The following AGBL4 variants were observed in gnomAD, a reference collection of about 807,000 sequenced individuals.
The protein encoded by AGBL4 is cytosolic carboxypeptidase 6.
A neutral mutation model predicts 66.4 loss-of-function variants in AGBL4; 58 were observed. The ratio of observed to expected loss-of-function variants is 0.87; its 90% CI spans 0.71 to 1.09. The LOEUF (loss-of-function observed/expected upper bound fraction) is 1.09. Ranked by LOEUF, AGBL4 falls within the 50% of genes least tolerant of loss-of-function variation. The pLI, the probability that AGBL4 is intolerant of heterozygous loss-of-function variation, is 0.00. For missense variants in AGBL4, 579 were observed against 631.0 expected (o/e 0.92, Z 0.88); for synonymous variants, 234 against 222.9 (o/e 1.05, Z -0.44).
At chr1:48,569,234 T>C (rs1644522544) in intron 11 of AGBL4, among the ~76,000 whole-genome samples, 1 of 152,224 alleles carries the variant, frequency 6.6e-6, no homozygotes, top group African/African-American at 2.4e-5. Flanking sequence ...ATAGAATGTC[T>C]GATCAGGGAA....
At chr1:48,670,489 T>C (rs1410595915) in intron 6 of AGBL4, among the ~76,000 whole-genome samples, 1 of 152,116 alleles carries the variant, frequency 6.6e-6, no homozygotes, top group Non-Finnish European at 1.5e-5. Flanking sequence ...AGCTGAAAAG[T>C]GATGAGATAC....
chr1:48,810,588 G>A (rs1646026320), intron 6 of AGBL4, among the ~76,000 whole-genome samples: 1 of 152,196 alleles, frequency 6.6e-6, no homozygotes, highest in Non-Finnish European at 1.5e-5. Flanking sequence ...TATGCAAAGT[G>A]TATAGCATAG....
intron 8 of AGBL4, 93 bp from the exon 9 acceptor site, chr1:48,634,697 G>A: frequency 1.3e-6 from 1 of 779,312 alleles, no homozygotes; most frequent in Non-Finnish European, 2.0e-6. Flanking sequence ...CAGTGATTAT[G>A]TCACTTACCT....
chr1:48,904,445 A>G (rs1023906424), intron 5 of AGBL4, among the ~76,000 whole-genome samples: 1 of 152,210 alleles, frequency 6.6e-6, no homozygotes, highest in African/African-American at 2.4e-5. Context: ...AGCGAGTAGC[A>G]TGTCAAATGT....
At chr1:48,602,656 T>G (rs771297534) in intron 9 of AGBL4, among the ~76,000 whole-genome samples, 18 of 152,196 alleles carry the variant, frequency 1.2e-4, no homozygotes, top group Non-Finnish European at 2.6e-4. Context: ...GCTGAAATTA[T>G]GTACTTTATC....
intron 2 of AGBL4, among the ~76,000 whole-genome samples, chr1:49,730,391 G>C (rs1460219411): frequency 6.6e-6 from 1 of 152,284 alleles, no homozygotes; most frequent in African/African-American, 2.4e-5. Flanking sequence ...CAGACTATGG[G>C]AGTGAAGAGC....
intron 6 of AGBL4, among the ~76,000 whole-genome samples, chr1:48,832,314 C>T (rs1019984668): frequency 6.6e-6 from 1 of 152,184 alleles, no homozygotes; most frequent in Non-Finnish European, 1.5e-5. Flanking sequence ...AAATAAACAT[C>T]CTAATACTTT....
At chr1:49,822,201 A>G (rs1645387065) in intron 2 of AGBL4, among the ~76,000 whole-genome samples, 1 of 152,210 alleles carries the variant, frequency 6.6e-6, no homozygotes, top group African/African-American at 2.4e-5. Flanking sequence ...GACACCGAAT[A>G]TGTTTTTAAA....
intron 2 of AGBL4, among the ~76,000 whole-genome samples, chr1:49,698,615 C>T (rs1286006982): frequency 1.3e-5 from 2 of 152,056 alleles, no homozygotes; most frequent in Admixed American, 1.3e-4. Context: ...GACAATATAG[C>T]TGTCTACCTA....
chr1:48,534,829 C>A (rs2148251522), intron 13 of AGBL4, 61 bp downstream of exon 13: 1 of 1,495,804 alleles, frequency 6.7e-7, no homozygotes, highest in Non-Finnish European at 9.1e-7. Flanking sequence ...TGAGATACAG[C>A]CCTGGAGCAC....
chr1:49,264,044 G>T (rs968017151), intron 3 of AGBL4, among the ~76,000 whole-genome samples: 2 of 151,930 alleles, frequency 1.3e-5, no homozygotes, highest in Non-Finnish European at 2.9e-5. Flanking sequence ...CAAAACAGTA[G>T]TATATTTGTA....
At chr1:49,882,818 G>T (rs1014032979) in intron 1 of AGBL4, among the ~76,000 whole-genome samples, 6 of 152,092 alleles carry the variant, frequency 3.9e-5, no homozygotes, top group African/African-American at 1.2e-4. Context: ...TTGCATTTTA[G>T]AAATTTGTTG....
chr1:48,893,301 A>G (rs1022858253), intron 5 of AGBL4, among the ~76,000 whole-genome samples: 9 of 152,074 alleles, frequency 5.9e-5, no homozygotes, highest in African/African-American at 2.2e-4. Context: ...CCTACCCTGC[A>G]ATGTGACGGT....
chr1:48,539,867 G>A (rs1644036718), intron 11 of AGBL4, 129 bp from the exon 12 acceptor site: 7 of 535,792 alleles, frequency 1.3e-5, no homozygotes, highest in South Asian at 7.1e-5. Flanking sequence ...TTTTGTATGC[G>A]CTGTCTTTTT....
At chr1:49,500,081 C>T (rs1200059178) in intron 3 of AGBL4, among the ~76,000 whole-genome samples, 2 of 151,774 alleles carry the variant, frequency 1.3e-5, no homozygotes, top group Admixed American at 6.6e-5. Context: ...GCAGGAGTAA[C>T]TTGGTATTGC....
At chr1:49,914,363 C>T (rs1012494811) in intron 1 of AGBL4, among the ~76,000 whole-genome samples, 1 of 152,196 alleles carries the variant, frequency 6.6e-6, no homozygotes, top group African/African-American at 2.4e-5. Flanking sequence ...AACAATTCAA[C>T]CAAAGTCTTT....
intron 3 of AGBL4, among the ~76,000 whole-genome samples, chr1:49,518,962 G>C (rs975079973): frequency 6.6e-6 from 1 of 152,084 alleles, no homozygotes; most frequent in African/African-American, 2.4e-5. Flanking sequence ...TCAGATCTCT[G>C]GAGGGTTATA....
intron 3 of AGBL4, among the ~76,000 whole-genome samples, chr1:49,652,974 C>A (rs77888881): frequency 0.018 from 2,768 of 152,218 alleles, 34 homozygotes; most frequent in Non-Finnish European, 0.03. Flanking sequence ...AGCCAGACCC[C>A]TTATTTAAGT....
At chr1:49,882,729 C>T (rs1006332101) in intron 1 of AGBL4, among the ~76,000 whole-genome samples, 2 of 152,150 alleles carry the variant, frequency 1.3e-5, no homozygotes, top group Non-Finnish European at 2.9e-5. Context: ...GATTTTTGTA[C>T]ATTGATTTTG....
Sources: allele counts gnomAD v4.1 joint callset (sites outside exome capture counted in the v4.1 genomes callset), GRCh38; gene constraint gnomAD v4.1.1; transcripts MANE v1.5; gene names NCBI Gene and HGNC (gene_info 2026-07-23, HGNC 2026-07-21).